Variants in TACC2 observed in about 807,000 individuals in gnomAD.
TACC2 encodes the protein transforming acidic coiled-coil-containing protein 2.
Under a neutral mutation model 227.3 loss-of-function variants are expected in TACC2, and 137 were observed. The ratio of observed to expected loss-of-function variants is 0.60; its 90% CI spans 0.52 to 0.69. The LOEUF (loss-of-function observed/expected upper bound fraction) is 0.69. Ranked by LOEUF, TACC2 falls within the 30% of genes least tolerant of loss-of-function variation. TACC2 has a pLI of 0.00. For missense variants in TACC2, 3,470 were observed against 3,694.4 expected, an observed-to-expected ratio of 0.94 and a Z score of 1.57; for synonymous variants, 1,523 against 1,487.5, an observed-to-expected ratio of 1.02 and a Z score of -0.55.
At chr10:122,043,805 C>G (rs2074645655) in intron 2 of TACC2, among the ~76,000 whole-genome samples, 3 of 152,174 alleles carry the variant, frequency 2.0e-5, no homozygotes, top group Admixed American at 2.0e-4. Context: ...GGTTCGAACT[C>G]CTGACCGCAA....
chr10:122,010,535 CAG>C (rs1249154831), intron 1 of TACC2, among the ~76,000 whole-genome samples: 1 of 152,190 alleles, frequency 6.6e-6, no homozygotes. Flanking sequence ...GCCTCATCCC[CAG>C]AGAGGTTGAC....
chr10:122,190,555 C>T (rs921537862), intron 7 of TACC2, among the ~76,000 whole-genome samples: 2 of 152,144 alleles, frequency 1.3e-5, no homozygotes, highest in Non-Finnish European at 2.9e-5. Flanking sequence ...TTGTACACAC[C>T]GCACTGTGTG....
intron 8 of TACC2, among the ~76,000 whole-genome samples, chr10:122,206,969 T>C (rs2095131358): frequency 6.6e-6 from 1 of 152,246 alleles, no homozygotes; most frequent in Non-Finnish European, 1.5e-5. Context: ...TTGGTCTTCA[T>C]GCAGATATGC....
intron 7 of TACC2, among the ~76,000 whole-genome samples, chr10:122,191,144 G>T (rs1451360093): frequency 6.6e-6 from 1 of 151,738 alleles, no homozygotes; most frequent in Non-Finnish European, 1.5e-5. Flanking sequence ...AAGAGTCGAG[G>T]TCTCGCTCTG....
chr10:122,035,808 C>T (rs532742967), intron 2 of TACC2, among the ~76,000 whole-genome samples: 2 of 152,038 alleles, frequency 1.3e-5, no homozygotes, highest in South Asian at 4.2e-4. Context: ...TCCTTCCTTT[C>T]CTCTTTCCCT....
rs145414965 is a variant in TACC2, at chr10:122,048,578, G to A, written c.34-1860G>A. Among the ~76,000 whole-genome samples the A allele has an allele frequency of 8.7e-3, 1,317 of 151,760 alleles. 20 individuals are homozygous for A. The highest frequency in any genetic ancestry group is 0.029 in the African/African-American group (1,201 of 41,344). On this transcript the variant is annotated intron_variant, in intron 2 of 22. Coordinates refer to ENST00000369005, the MANE Select transcript of TACC2 (RefSeq NM_206862.4). The stretch of plus-strand genomic sequence containing the variant: ...TCTCCATGTTGCCCAGGCTGGTCTC[G>A]AACTCCTGGGCTCAAGCAGTCTTCC...
intron 2 of TACC2, among the ~76,000 whole-genome samples, chr10:122,046,190 T>C (rs1214827221): frequency 7.3e-6 from 1 of 136,994 alleles, no homozygotes; most frequent in Non-Finnish European, 1.6e-5. Flanking sequence ...ATCATAATAA[T>C]AGGGCTGGGT....
At chr10:122,122,511 T>C (rs1358143337) in intron 5 of TACC2, among the ~76,000 whole-genome samples, 1 of 149,606 alleles carries the variant, frequency 6.7e-6, no homozygotes, top group Non-Finnish European at 1.5e-5. Context: ...TTTTAATAGC[T>C]GAAGGCTAAA....
chr10:122,191,945 T>G (rs2094425763), intron 7 of TACC2, among the ~76,000 whole-genome samples: 1 of 152,206 alleles, frequency 6.6e-6, no homozygotes, highest in African/African-American at 2.4e-5. Flanking sequence ...TCCAAAGTGC[T>G]GCTTTATTTT....
intron 7 of TACC2, among the ~76,000 whole-genome samples, chr10:122,154,027 G>A (rs1271690983): frequency 6.6e-6 from 1 of 152,212 alleles, no homozygotes; most frequent in Non-Finnish European, 1.5e-5. Flanking sequence ...CTCTGCATGT[G>A]GTACCTGGGG....
chr10:122,239,886 A>G (rs2095948359), intron 18 of TACC2, among the ~76,000 whole-genome samples: 1 of 152,232 alleles, frequency 6.6e-6, no homozygotes, highest in Admixed American at 6.5e-5. Context: ...ACTCCGGGGC[A>G]TCTTACTTAA....
chr10:122,134,285 C>T (rs1209770826), intron 6 of TACC2, among the ~76,000 whole-genome samples: 1 of 151,968 alleles, frequency 6.6e-6, no homozygotes. Flanking sequence ...GATTCTCCTG[C>T]CTCAGCCTCC....
intron 9 of TACC2, among the ~76,000 whole-genome samples, chr10:122,214,095 G>T (rs1226983086): frequency 1.3e-5 from 2 of 152,174 alleles, no homozygotes; most frequent in Non-Finnish European, 2.9e-5. Context: ...GGCAGCTCGG[G>T]GGGGTCCAAA....
At chr10:122,023,251 A>G (rs1957548329) in intron 2 of TACC2, 1 of 152,080 alleles carries the variant, frequency 6.6e-6, no homozygotes, top group African/African-American at 2.4e-5. Context: ...GCTGGTATCG[A>G]ACTCCTGACT....
At chr10:122,215,296 G>A in intron 9 of TACC2, 95 bp from the exon 10 acceptor site, 2 of 1,133,640 alleles carry the variant, frequency 1.8e-6, no homozygotes, top group Non-Finnish European at 2.7e-6. Context: ...GGGCCAGATG[G>A]CTCCGCAGAG....
chr10:122,025,944 G>T (rs1246709829), intron 2 of TACC2, among the ~76,000 whole-genome samples: 1 of 151,724 alleles, frequency 6.6e-6, no homozygotes, highest in African/African-American at 2.4e-5. Flanking sequence ...TCCTTTGTCA[G>T]CTCATAGTTT....
chr10:121,995,425 G>A (rs137874528), intron 1 of TACC2, among the ~76,000 whole-genome samples: 93 of 152,218 alleles, frequency 6.1e-4, no homozygotes, highest in African/African-American at 2.1e-3. Context: ...GAAACGCCCC[G>A]ACCAAAAGCC....
At chr10:122,198,169 C>T (rs1470268807) in intron 8 of TACC2, among the ~76,000 whole-genome samples, 1 of 152,172 alleles carries the variant, frequency 6.6e-6, no homozygotes, top group East Asian at 1.9e-4. Context: ...GTCTGGGCTC[C>T]CTGGGATGGA....
chr10:122,128,796 C>T (rs2138696158), intron 5 of TACC2, among the ~76,000 whole-genome samples: 1 of 152,248 alleles, frequency 6.6e-6, no homozygotes, highest in South Asian at 2.1e-4. Context: ...AATGATTTCA[C>T]CACCGAAAGA....
Sources: allele counts gnomAD v4.1 joint callset (sites outside exome capture counted in the v4.1 genomes callset), GRCh38; gene constraint gnomAD v4.1.1; transcripts MANE v1.5; gene names NCBI Gene and HGNC (gene_info 2026-07-23, HGNC 2026-07-21).